The following SCNN1G variants were observed in gnomAD, a reference collection of about 807,000 sequenced individuals.
SCNN1G encodes epithelial sodium channel subunit gamma.
A neutral mutation model predicts 64.6 loss-of-function variants in SCNN1G; 27 were observed. That is an observed-to-expected ratio of 0.42 (90% CI 0.31 to 0.58). SCNN1G has a LOEUF of 0.58. Ranked by LOEUF, SCNN1G falls within the 20% of genes least tolerant of loss-of-function variation. The pLI, the probability that SCNN1G is intolerant of heterozygous loss-of-function variation, is 0.18. For synonymous variants in SCNN1G, 330 were observed against 314.2 expected (o/e 1.05, Z -0.53); for missense variants, 743 against 823.4 (o/e 0.90, Z 1.19).
At chr16:23,192,984 G>T (rs751617361) in intron 4 of SCNN1G, among the ~76,000 whole-genome samples, 1 of 144,608 alleles carries the variant, frequency 6.9e-6, no homozygotes, top group South Asian at 2.2e-4. Flanking sequence ...CAGAAGAATC[G>T]CTTGAACCCG....
At chr16:23,196,572 TGA>T (rs774000183) in intron 5 of SCNN1G, 1 of 153,930 alleles carries the variant, frequency 6.5e-6, no homozygotes, top group Non-Finnish European at 1.4e-5. Flanking sequence ...AAGAGAATTT[TGA>T]GAGTTATACT....
At chr16:23,200,458 C>T (rs1959870736) in intron 6 of SCNN1G, among the ~76,000 whole-genome samples, 1 of 152,108 alleles carries the variant, frequency 6.6e-6, no homozygotes, top group Admixed American at 6.6e-5. Context: ...TAGAATGACA[C>T]AAAGTTCTAG....
At chr16:23,183,837 C>G (rs1264153874) in intron 1 of SCNN1G, among the ~76,000 whole-genome samples, 1 of 152,196 alleles carries the variant, frequency 6.6e-6, no homozygotes, top group Non-Finnish European at 1.5e-5. Flanking sequence ...GATTGAAGAG[C>G]AGCCTAGTTA....
chr16:23,213,412 C>T (rs780174045), intron 11 of SCNN1G, among the ~76,000 whole-genome samples: 1 of 152,142 alleles, frequency 6.6e-6, no homozygotes, highest in Non-Finnish European at 1.5e-5. Flanking sequence ...AACATCACAT[C>T]TGGCTAATTT....
At chr16:23,210,849 T>C (rs1018551308) in intron 7 of SCNN1G, among the ~76,000 whole-genome samples, 1 of 151,768 alleles carries the variant, frequency 6.6e-6, no homozygotes, top group Non-Finnish European at 1.5e-5. Context: ...CTGGGCAACA[T>C]AGCAAGACCT....
chr16:23,209,289 G>A (rs762873187), intron 6 of SCNN1G, among the ~76,000 whole-genome samples: 3 of 151,992 alleles, frequency 2.0e-5, no homozygotes, highest in African/African-American at 7.3e-5. Context: ...CACCATTCCC[G>A]ACTTCCTGTC....
chr16:23,208,242 G>C (rs542089838), intron 6 of SCNN1G, among the ~76,000 whole-genome samples: 1 of 152,132 alleles, frequency 6.6e-6, no homozygotes, highest in Non-Finnish European at 1.5e-5. Flanking sequence ...GCTACTCAGA[G>C]AGGCTGAGGC....
intron 11 of SCNN1G, 66 bp downstream of exon 11, chr16:23,213,229 C>A: frequency 1.7e-4 from 164 of 962,920 alleles, no homozygotes; most frequent in Non-Finnish European, 2.5e-4. Context: ...TCACTTGCTT[C>A]TGTATGTGTA....
intron 3 of SCNN1G, among the ~76,000 whole-genome samples, chr16:23,191,333 C>T (rs1453886908): frequency 1.3e-5 from 2 of 152,168 alleles, no homozygotes; most frequent in Admixed American, 1.3e-4. Flanking sequence ...AAAAATGGAC[C>T]TTCTTCTAAA....
chr16:23,215,733 G>T lies in SCNN1G; in HGVS notation c.*264G>T. 1.8e-6 allele frequency: 1 copy of T among 550,308 alleles called. No individual in the cohort carries two copies. Among genetic ancestry groups the T allele is most frequent in the Non-Finnish European group, 3.3e-6 (1 of 306,312 alleles). The allele number at this position is 550,308 out of a possible 1,614,324, so 34.1% of individuals were successfully genotyped here. On this transcript the variant is annotated 3_prime_UTR_variant, in exon 13 of 13. Coordinates refer to ENST00000300061, the MANE Select transcript of SCNN1G (RefSeq NM_001039.4). ...AACTATTAGCACGTCACTAGAGACT[G>T]GGAGCCGAGGCAGTGGTGCTGGCCC...
chr16:23,199,419 C>T (rs574865242), intron 6 of SCNN1G, among the ~76,000 whole-genome samples: 1 of 152,206 alleles, frequency 6.6e-6, no homozygotes, highest in South Asian at 2.1e-4. Context: ...TGCAATGTGA[C>T]GTGTATTTGC....
chr16:23,204,322 T>TAC (rs1959949441), intron 6 of SCNN1G, among the ~76,000 whole-genome samples: 22 of 75,352 alleles, frequency 2.9e-4, no homozygotes, highest in South Asian at 1.6e-3. Flanking sequence ...TATATATATA[T>TAC]ATATATATAT....
Position 23,215,740 on chromosome 16 carries a change from G to A in SCNN1G, c.*271G>A, listed in dbSNP as rs533163204. The A allele has an allele frequency of 7.3e-5, 39 of 532,230 alleles. No homozygotes were observed. The highest frequency in any genetic ancestry group is 5.2e-4 in the Middle Eastern group (1 of 1,914). The allele number at this position is 532,230 out of a possible 1,614,324, so 33.0% of individuals were successfully genotyped here. ...AGCACGTCACTAGAGACTGGGAGCC[G>A]AGGCAGTGGTGCTGGCCCAAGTGAA... On this transcript the variant is annotated 3_prime_UTR_variant, in exon 13 of 13. Coordinates refer to ENST00000300061, the MANE Select transcript of SCNN1G (RefSeq NM_001039.4).
chr16:23,201,242 C>T (rs886483312), intron 6 of SCNN1G, among the ~76,000 whole-genome samples: 2 of 152,212 alleles, frequency 1.3e-5, no homozygotes, highest in East Asian at 1.9e-4. Context: ...CCAGGATTTG[C>T]AGCGCATCCT....
intron 2 of SCNN1G, among the ~76,000 whole-genome samples, chr16:23,188,559 C>T (rs1265535108): frequency 6.6e-6 from 1 of 152,100 alleles, no homozygotes; most frequent in Admixed American, 6.5e-5. Context: ...ATATGTATGT[C>T]TGTGTGTGTT....
At chr16:23,189,231 A>C (rs1211083236) in intron 2 of SCNN1G, 140 bp from the exon 3 acceptor site, 3 of 853,746 alleles carry the variant, frequency 3.5e-6, no homozygotes, top group Non-Finnish European at 5.7e-6. Context: ...AAGTCATGAA[A>C]GGCGTGGTCT....
chr16:23,183,795 C>T (rs1269555019), intron 1 of SCNN1G, among the ~76,000 whole-genome samples: 3 of 152,180 alleles, frequency 2.0e-5, no homozygotes, highest in Admixed American at 2.0e-4. Context: ...GCCATTATTG[C>T]TGCTTTCCCT....
chr16:23,198,194 C>A (rs989630085), intron 6 of SCNN1G, among the ~76,000 whole-genome samples: 5 of 152,264 alleles, frequency 3.3e-5, no homozygotes, highest in South Asian at 2.1e-4. Context: ...CCAAATTTGA[C>A]CTTTGTGGAC....
intron 8 of SCNN1G, 48 bp downstream of exon 8, chr16:23,212,199 G>C: frequency 7.7e-7 from 1 of 1,290,756 alleles, no homozygotes; most frequent in Non-Finnish European, 1.1e-6. Flanking sequence ...ACCAGGGTCA[G>C]CCTAGTCCTG....
Sources: gnomAD v4.1 joint callset for allele counts (sites outside exome capture counted in the v4.1 genomes callset) on GRCh38, gnomAD v4.1.1 for gene constraint, MANE v1.5 for transcripts, NCBI Gene and HGNC (gene_info 2026-07-23, HGNC 2026-07-21) for gene names.